The following DISP1 variants were observed in gnomAD, a reference collection of about 807,000 sequenced individuals.
DISP1 encodes the protein dispatched RND transporter family member 1.
Under a neutral mutation model 37.3 loss-of-function variants are expected in DISP1, and 30 were observed. The observed-to-expected ratio is 0.80, with a 90% CI of 0.60 to 1.09. DISP1 has a LOEUF of 1.09. DISP1 is among the 50% of genes least tolerant of loss of function. The pLI is 0.00. For missense variants in DISP1, 1,598 were observed against 1,879.5 expected, an observed-to-expected ratio of 0.85 and a Z score of 2.77; for synonymous variants, 634 against 690.2, an observed-to-expected ratio of 0.92 and a Z score of 1.28.
At chr1:222,986,283 G>C (rs1305879363) in intron 4 of DISP1, among the ~76,000 whole-genome samples, 1 of 144,566 alleles carries the variant, frequency 6.9e-6, no homozygotes, top group African/African-American at 2.5e-5. Context: ...AGAGTGTTTT[G>C]AGAAAGGCAG....
intron 3 of DISP1, among the ~76,000 whole-genome samples, chr1:222,958,652 CT>C (rs1284514161): frequency 6.6e-6 from 1 of 152,046 alleles, no homozygotes; most frequent in Non-Finnish European, 1.5e-5. Context: ...TTTTAGTCTT[CT>C]TTGGTTAAAC....
intron 1 of DISP1, among the ~76,000 whole-genome samples, chr1:222,852,241 GT>G (rs11390277): frequency 0.18 from 27,223 of 148,362 alleles, 2,710 homozygotes; most frequent in Middle Eastern, 0.31. Flanking sequence ...AGCATTTGGG[GT>G]TTTTTTTTTT....
chr1:222,916,711 G>A (rs1316254195), intron 1 of DISP1, among the ~76,000 whole-genome samples: 1 of 152,108 alleles, frequency 6.6e-6, no homozygotes, highest in Non-Finnish European at 1.5e-5. Context: ...AGTTTTTTAA[G>A]AGACCTAAGT....
intron 1 of DISP1, among the ~76,000 whole-genome samples, chr1:222,881,833 ATATTCT>A (rs1176091903): frequency 6.6e-6 from 1 of 152,224 alleles, no homozygotes; most frequent in African/African-American, 2.4e-5. Context: ...GGACATAAAG[ATATTCT>A]TATACTAAAA....
chr1:222,865,498 T>G (rs780005873), intron 1 of DISP1, among the ~76,000 whole-genome samples: 13 of 152,194 alleles, frequency 8.5e-5, no homozygotes, highest in Non-Finnish European at 1.8e-4. Flanking sequence ...ACTTCCATCT[T>G]AAAAGCCTTT....
In DISP1 at chr1:222,942,810, C is replaced by A; in HGVS notation, c.-14C>A. 2 of 1,614,044 alleles carry A rather than the reference C, an allele frequency of 1.2e-6. No homozygotes were observed. Among genetic ancestry groups the A allele is most frequent in the South Asian group, 1.1e-5 (1 of 91,046 alleles). ...ATTTTATGATTTTCTTACTTAGAGT[C>A]AAGAAATTGGAGCATGGCTATGAGC... is the stretch of plus-strand genomic sequence containing the variant. On this transcript the variant is annotated 5_prime_UTR_variant, in exon 3 of 9. Coordinates refer to ENST00000675850, the MANE Select transcript of DISP1 (RefSeq NM_001377229.1).
intron 8 of DISP1, among the ~76,000 whole-genome samples, chr1:222,997,646 G>A (rs2102772637): frequency 6.6e-6 from 1 of 152,302 alleles, no homozygotes; most frequent in Non-Finnish European, 1.5e-5. Flanking sequence ...TAAAGGAATA[G>A]ATGTACTCTG....
intron 1 of DISP1, among the ~76,000 whole-genome samples, chr1:222,826,216 CT>C (rs1443414914): frequency 1.3e-5 from 2 of 152,046 alleles, no homozygotes; most frequent in African/African-American, 4.8e-5. Context: ...GGTTTTTCTT[CT>C]TACTGTAGTT....
rs971792659 is a variant in DISP1, at chr1:222,942,766, G to A, written c.-17-41G>A. The A allele has an allele frequency of 5.6e-6, 9 of 1,611,410 alleles. No individual in the cohort carries two copies. The Admixed American group carries it at 8.3e-5, about 15-fold the overall frequency. ...ACTTGTCTTTCCTACATATTTGCCT[G>A]CCTGACTGTAACTGGGCGATTTTAT... is the stretch of plus-strand genomic sequence containing the variant. On this transcript the variant is annotated intron_variant, in intron 2 of 8. Transcript: ENST00000675850.
rs1558084213 is a variant in DISP1, at chr1:223,003,775, T to C, written c.2378T>C (p.Val793Ala). The C allele has an allele frequency of 3.1e-6, 5 of 1,614,154 alleles. No homozygotes were observed. The highest frequency in any genetic ancestry group is 3.4e-6 in the Non-Finnish European group (4 of 1,180,036). The change falls in exon 9 of 9, where the codon GTG (valine) becomes GCG (alanine). Residue 793 changes from valine to alanine, a missense_variant. By Grantham distance (64) the Val-to-Ala change is moderately conservative. Transcript: ENST00000675850. The surrounding 1 kb of genome is among the most constrained non-coding windows in gnomAD (Gnocchi z 4.3). ...LHMPITVIWG[V>A]SPEDNGNPLN... ...ATGCCCATCACAGTAATCTGGGGCGTGTCCCCAGAAGACAATGGCAACCCA... is the reference window on the plus strand; with the variant it reads ...ATGCCCATCACAGTAATCTGGGGCGCGTCCCCAGAAGACAATGGCAACCCA...
At chr1:222,991,887 A>C in intron 6 of DISP1, 126 bp from the exon 7 acceptor site, 1 of 879,526 alleles carries the variant, frequency 1.1e-6, no homozygotes, top group Non-Finnish European at 1.8e-6. Context: ...TGCTTCTTCT[A>C]ATCCTTTCAA....
At chr1:222,835,304 C>A (rs1186553280) in intron 1 of DISP1, 1 of 152,130 alleles carries the variant, frequency 6.6e-6, no homozygotes. Flanking sequence ...GGTTCTCTTA[C>A]ACTAAATTTG....
At chr1:222,948,186 C>T (rs1318240715) in intron 3 of DISP1, among the ~76,000 whole-genome samples, 1 of 152,144 alleles carries the variant, frequency 6.6e-6, no homozygotes, top group Non-Finnish European at 1.5e-5. Flanking sequence ...TGTGATGTCC[C>T]TTGAGCTTAT....
At chr1:222,884,892 A>C (rs1670492183) in intron 1 of DISP1, among the ~76,000 whole-genome samples, 2 of 152,166 alleles carry the variant, frequency 1.3e-5, no homozygotes. Context: ...GCTGGAGTGC[A>C]GTGGCGCGAT....
chr1:222,913,686 C>T (rs1172487692), intron 1 of DISP1, among the ~76,000 whole-genome samples: 4 of 151,582 alleles, frequency 2.6e-5, no homozygotes, highest in African/African-American at 9.7e-5. Context: ...ATGGGAGGAT[C>T]TCTTGAGACT....
chr1:222,830,062 CTAAG>C (rs1229025352), intron 1 of DISP1, among the ~76,000 whole-genome samples: 1 of 152,050 alleles, frequency 6.6e-6, no homozygotes, highest in Non-Finnish European at 1.5e-5. Flanking sequence ...TCAGTAATGA[CTAAG>C]TACATTCATT....
At chr1:222,826,384 T>TC (rs1273037519) in intron 1 of DISP1, among the ~76,000 whole-genome samples, 1 of 147,524 alleles carries the variant, frequency 6.8e-6, no homozygotes, top group African/African-American at 2.5e-5. Context: ...ATACTTTTTT[T>TC]TTTTTTTTTT....
intron 7 of DISP1, 23 bp downstream of exon 7, chr1:222,992,133 A>T: frequency 1.3e-6 from 2 of 1,562,108 alleles, no homozygotes; most frequent in Non-Finnish European, 1.8e-6. Context: ...GTAGATGAAC[A>T]AACCACTCAG....
At position 223,005,132 on chromosome 1, in the gene DISP1, T is replaced by A. The variant is rs746964677; in HGVS notation, c.3735T>A (p.Ser1245Arg). The change falls in exon 9 of 9, where the codon AGT becomes AGA. Residue 1245 changes from serine (S) to arginine (R), a missense_variant. Transcript: ENST00000675850. ...YNSELSKSTE[S>R]DAGSALLQPP... ...GTGAACTCAGCAAAAGCACTGAAAGTGACGCTGGCTCTGCCTTGTTACAGC... is the reference window on the plus strand; with the variant it reads ...GTGAACTCAGCAAAAGCACTGAAAGAGACGCTGGCTCTGCCTTGTTACAGC... The A allele has an allele frequency of 1.4e-4, 230 of 1,614,020 alleles. 1 individual carries two copies. The Admixed American group carries it at 3.8e-3, about 27-fold the overall frequency.
Sources: allele counts gnomAD v4.1 joint callset (sites outside exome capture counted in the v4.1 genomes callset), GRCh38; gene constraint gnomAD v4.1.1; non-coding constraint Gnocchi (gnomAD v3.1); transcripts MANE v1.5; gene names NCBI Gene and HGNC (gene_info 2026-07-23, HGNC 2026-07-21).